BCCIP: variants seen among roughly 807,000 people sequenced by gnomAD.
BCCIP encodes the protein BRCA2 and CDKN1A interacting protein, also known as BRCA2 and CDKN1A-interacting protein.
A neutral mutation model predicts 32.8 loss-of-function variants in BCCIP; 23 were observed. The observed-to-expected ratio is 0.70, with a 90% confidence interval of 0.51 to 0.99. The LOEUF is 0.99. Ranked by LOEUF, BCCIP falls within the 50% of genes least tolerant of loss-of-function variation. The pLI is 0.00. For synonymous variants in BCCIP, 144 were observed against 137.6 expected (o/e 1.05, Z -0.33); for missense variants, 378 against 379.8 (o/e 1.00, Z 0.04).
rs373561999 is a variant in BCCIP, at chr10:125,833,911, A to G, written c.739A>G (p.Met247Val). The G allele has an allele frequency of 6.2e-7, 1 of 1,614,258 alleles. No homozygotes were observed. Among genetic ancestry groups the G allele is most frequent in the Non-Finnish European group, 8.5e-7 (1 of 1,180,044 alleles). ...KPSNKKKAAL[M>V]FANAEEEFFY... The stretch of plus-strand genomic sequence containing the variant: ...TAGCAACAAAAAGAAAGCTGCGTTA[A>G]TGTTTGCAAATGCAGAGGAAGAATT... Residue 247 changes from methionine (M) to valine (V), a missense_variant, in exon 6 of 7, where the codon ATG (methionine) becomes GTG (valine). Physicochemically the swap from Met to Val is conservative, Grantham distance 21. Transcript: ENST00000278100.
At chr10:125,845,123 G>T (rs2134033304), downstream of BCCIP, among the ~76,000 whole-genome samples, 1 of 152,310 alleles carries the variant, frequency 6.6e-6, no homozygotes, top group Admixed American at 6.5e-5. Flanking sequence ...CTGAGCACAG[G>T]CCAAGTGGAG....
Position 125,831,694 on chromosome 10 carries a change from T to A in BCCIP, c.599+87T>A, listed in dbSNP as rs1266399401. 3 of 1,319,210 alleles carry A rather than the reference T, an allele frequency of 2.3e-6. No individual in the cohort carries two copies. In the African/African-American group the frequency reaches 4.5e-5, roughly 20 times the overall value. 81.7% of individuals were successfully genotyped at this position (1,319,210 alleles called of 1,614,324 possible). On this transcript the variant is annotated intron_variant, in intron 5 of 6. Coordinates refer to ENST00000278100, the MANE Select transcript of BCCIP (RefSeq NM_078468.3). ...GTCATTTAAGTAGAATATGTAGATA[T>A]AGAAAGAGTTCTGTCCTTGGTTTAA...
intron 3 of BCCIP, among the ~76,000 whole-genome samples, chr10:125,829,915 T>G (rs1461635460): frequency 6.6e-6 from 1 of 152,258 alleles, no homozygotes; most frequent in Non-Finnish European, 1.5e-5. Flanking sequence ...ACACTTGAGG[T>G]GTCCTGAGGA....
chr10:125,839,287 T>C, downstream of BCCIP: 1 of 1,279,896 alleles, frequency 7.8e-7, no homozygotes, highest in South Asian at 1.5e-5. Flanking sequence ...TGTGCTCTCC[T>C]CTCCTACAAA....
chr10:125,831,255 T>C (rs995344647), intron 4 of BCCIP, among the ~76,000 whole-genome samples, 165 bp from the exon 5 acceptor site: 3 of 152,230 alleles, frequency 2.0e-5, no homozygotes, highest in African/African-American at 7.2e-5. Flanking sequence ...TGTATTTACT[T>C]TTGAGAAATG....
chr10:125,829,300 C>T (rs749005384), intron 3 of BCCIP, among the ~76,000 whole-genome samples: 1 of 152,206 alleles, frequency 6.6e-6, no homozygotes, highest in Non-Finnish European at 1.5e-5. Context: ...CAGTGTCTGG[C>T]AGCTGACATG....
At chr10:125,852,161 G>A (rs767608634) in intron 7 of BCCIP, 265 of 1,110,142 alleles carry the variant, frequency 2.4e-4, no homozygotes, top group Non-Finnish European at 3.2e-4. Flanking sequence ...GCAGGAAAAT[G>A]CTTCAGTCCA....
downstream of BCCIP, among the ~76,000 whole-genome samples, chr10:125,837,144 C>T (rs1377398232): frequency 6.6e-6 from 1 of 152,204 alleles, no homozygotes; most frequent in Non-Finnish European, 1.5e-5. Context: ...TCCCCTAAGG[C>T]CCATCACCAT....
At chr10:125,846,929 G>A (rs1286033761), downstream of BCCIP, among the ~76,000 whole-genome samples, 6 of 152,150 alleles carry the variant, frequency 3.9e-5, no homozygotes, top group African/African-American at 9.7e-5. Context: ...AGTACCCATC[G>A]CGGCCTGGGG....
rs143098206 is a variant in BCCIP, at chr10:125,849,832, G to A, written c.851-3293G>A. ...GTTTCCAAGTGATTTACAAACAAGC[G>A]CATATACTTCTCTAGTATTCTTACA... On this transcript the variant is annotated intron_variant, in intron 7 of 7. Transcript: ENST00000368759. Among the ~76,000 whole-genome samples, 287 of 152,266 alleles carry A rather than the reference G, an allele frequency of 1.9e-3. 2 individuals are homozygous for A. The highest frequency in any genetic ancestry group is 6.7e-3 in the African/African-American group (279 of 41,540).
chr10:125,825,648 G>A (rs570043982), intron 1 of BCCIP: 5 of 152,300 alleles, frequency 3.3e-5, no homozygotes, highest in African/African-American at 1.2e-4. Flanking sequence ...GTAAAAGGAG[G>A]TCTGATTTCC....
At chr10:125,852,338 T>C (rs1277283025) in intron 7 of BCCIP, 2 of 1,614,224 alleles carry the variant, frequency 1.2e-6, no homozygotes, top group South Asian at 2.2e-5. Context: ...GCAATGTCTA[T>C]CCTCTTCATA....
At chr10:125,826,448 C>A in intron 1 of BCCIP, 143 bp from the exon 2 acceptor site, 1 of 1,317,810 alleles carries the variant, frequency 7.6e-7, no homozygotes, top group Non-Finnish European at 1.0e-6. Context: ...GTTTTGTTTT[C>A]TCAGGCTTTT....
Position 125,826,673 on chromosome 10 carries a change from C to G in BCCIP, c.240+8C>G. On this transcript the variant is annotated splice_region_variant and intron_variant, in intron 2 of 6. Transcript: ENST00000278100. ...AAGAAATTACTGCAGCAGGTATTGT[C>G]TTTTATTTATTATGCATAAATTTCC... 6.2e-7 allele frequency: 1 copy of G among 1,612,604 alleles called. No individual in the cohort carries two copies. Among genetic ancestry groups the G allele is most frequent in the Non-Finnish European group, 8.5e-7 (1 of 1,179,352 alleles).
chr10:125,848,448 G>A (rs1340938243), intron 7 of BCCIP, among the ~76,000 whole-genome samples: 4 of 152,180 alleles, frequency 2.6e-5, no homozygotes, highest in Non-Finnish European at 2.9e-5. Context: ...AAAAAGACAA[G>A]TGGCTTGCCA....
chr10:125,827,470 T>A (rs1854424452), intron 2 of BCCIP, 88 bp from the exon 3 acceptor site: 1 of 910,906 alleles, frequency 1.1e-6, no homozygotes, highest in Admixed American at 2.6e-5. Flanking sequence ...GTCACAGAAA[T>A]TTCATTGTTT....
chr10:125,853,187 TC>T lies in BCCIP; in HGVS notation c.914del (p.Ser305Ter). On this transcript the variant is annotated frameshift_variant, in exon 8 of 8. Transcript: ENST00000368759. LOFTEE classifies it low-confidence loss of function (END_TRUNC). ...GAAGGCTGGACTAATTCAATCAAGA[TC>T]AACTCTAAGTGATTTCCAGGGAACC... 1 of 1,613,400 alleles carries T rather than the reference TC, an allele frequency of 6.2e-7. No individual in the cohort carries two copies. The highest frequency in any genetic ancestry group is 1.1e-5 in the South Asian group (1 of 90,954).
chr10:125,852,760 T>G, intron 7 of BCCIP: 1 of 869,652 alleles, frequency 1.1e-6, no homozygotes, highest in African/African-American at 1.7e-5. Flanking sequence ...TGCCACAGAC[T>G]CATTTTCTTT....
downstream of BCCIP, among the ~76,000 whole-genome samples, chr10:125,843,772 G>A (rs1854942406): frequency 6.6e-6 from 1 of 152,180 alleles, no homozygotes; most frequent in African/African-American, 2.4e-5. Flanking sequence ...GAGGACAGCG[G>A]AGCCAGCACC....
Sources: gnomAD v4.1 joint callset for allele counts (sites outside exome capture counted in the v4.1 genomes callset) on GRCh38, gnomAD v4.1.1 for gene constraint, MANE v1.5 for transcripts, NCBI Gene and HGNC (gene_info 2026-07-23, HGNC 2026-07-21) for gene names.